The following PDE6B variants were observed in gnomAD, a reference collection of about 807,000 sequenced individuals.
The protein encoded by PDE6B is phosphodiesterase 6B.
In PDE6B, 106 loss-of-function variants were observed where a neutral mutation model predicts 109.0. That is an observed-to-expected ratio of 0.97 (90% confidence interval 0.83 to 1.14). The LOEUF (loss-of-function observed/expected upper bound fraction) is 1.14, where lower values mean the gene tolerates loss of function less well. Among genes scored for constraint, PDE6B ranks in the 50% most tolerant of loss-of-function variants. The pLI, the probability that PDE6B is intolerant of heterozygous loss-of-function variation, is 0.00. For synonymous variants in PDE6B, 490 were observed against 471.3 expected, an observed-to-expected ratio of 1.04 and a Z score of -0.51; for missense variants, 1,193 against 1,155.6, an observed-to-expected ratio of 1.03 and a Z score of -0.47.
rs1734559404 is a variant in PDE6B at position 634,710 on chromosome 4, A to T, written c.502A>T (p.Thr168Ser). The change falls in exon 2 of 22, where the codon ACT (threonine) becomes TCT (serine). Residue 168 changes from threonine to serine, a missense_variant. Physicochemically the swap from Thr to Ser is moderately conservative, Grantham distance 58. Coordinates refer to ENST00000496514, the MANE Select transcript of PDE6B (RefSeq NM_000283.4). ...CTTCAGCTCATTTGCTGACGAGCTC[A>T]CTGACTACAAGACAAAGAATATGCT... Reference protein sequence around the residue: ...PHFSSFADELTDYKTKNMLAT... With the variant: ...PHFSSFADELSDYKTKNMLAT... 1 of 1,613,046 alleles carries T rather than the reference A, an allele frequency of 6.2e-7. No homozygotes were observed. Among genetic ancestry groups the T allele is most frequent in the African/African-American group, 1.3e-5 (1 of 74,888 alleles).
intron 7 of PDE6B, 97 bp from the exon 8 acceptor site, chr4:656,148 C>T (rs1736212153): frequency 9.7e-7 from 1 of 1,036,224 alleles, no homozygotes; most frequent in Admixed American, 1.7e-5. Context: ...CCTGCTTTAC[C>T]TACTTAAAAG....
At chr4:637,758 C>A (rs1734761846) in intron 3 of PDE6B, among the ~76,000 whole-genome samples, 1 of 152,230 alleles carries the variant, frequency 6.6e-6, no homozygotes, top group Admixed American at 6.5e-5. Flanking sequence ...GTGCGCAGAG[C>A]TGCAAATGTT....
In PDE6B at chr4:662,460, C is replaced by A. The variant is rs930005557; in HGVS notation, c.1723-49C>A. ...GTCATCCCAACCCCTCACCACTCCC[C>A]ACCCTGCTGGAGCCAGGACCGGTGA... On this transcript the variant is annotated intron_variant, in intron 13 of 21. Transcript: ENST00000496514. This position sits in a 1 kb window ranked among gnomAD's most constrained non-coding sequence, Gnocchi z 4.3. The A allele has an allele frequency of 1.5e-6, 2 of 1,314,096 alleles. No individual in the cohort carries two copies. The highest frequency in any genetic ancestry group is 1.4e-5 in the African/African-American group (1 of 69,310). The allele number at this position is 1,314,096 out of a possible 1,614,324, so 81.4% of individuals were successfully genotyped here.
chr4:655,544 C>G, intron 6 of PDE6B: 1 of 363,520 alleles, frequency 2.8e-6, no homozygotes, highest in South Asian at 2.4e-5. Context: ...GAGGGGTTCC[C>G]AAGAGGGAGG....
chr4:664,661 C>A (rs562609778), intron 17 of PDE6B, among the ~76,000 whole-genome samples: 1 of 152,222 alleles, frequency 6.6e-6, no homozygotes, highest in South Asian at 2.1e-4. Context: ...ACCGAAAATA[C>A]AAAAATTAGC....
Position 665,160 on chromosome 4 carries a change from C to T in PDE6B, c.2194-95C>T, listed in dbSNP as rs976115782. The T allele has an allele frequency of 6.1e-6, 6 of 984,178 alleles. No homozygotes were observed. In the East Asian group the frequency reaches 9.8e-5, roughly 16 times the overall value. 61.0% of individuals were successfully genotyped at this position (984,178 alleles called of 1,614,324 possible). A position where few individuals can be genotyped will look rare whatever the true frequency, so the allele number is the denominator to read the frequency against. ...TGGTGGGGACCCCGGGGGTCTGGGG[C>T]GGAGAAGACCGAGGCTCGGAGCCTC... On this transcript the variant is annotated intron_variant, in intron 18 of 21. Transcript: ENST00000496514. This position sits in a 1 kb window ranked among gnomAD's most constrained non-coding sequence, Gnocchi z 4.0.
chr4:667,745 C>A, intron 20 of PDE6B, 111 bp from the exon 21 acceptor site: 2 of 1,205,614 alleles, frequency 1.7e-6, no homozygotes, highest in Non-Finnish European at 2.4e-6. Context: ...GCGCTCCCTC[C>A]TCCTGCCAGG....
Position 635,693 on chromosome 4 carries a change from G to C in PDE6B, c.622-187G>C, listed in dbSNP as rs181634311. On this transcript the variant is annotated intron_variant, in intron 2 of 21. Coordinates refer to ENST00000496514, the MANE Select transcript of PDE6B (RefSeq NM_000283.4). The stretch of plus-strand genomic sequence containing the variant: ...CACACCTGTCTGTGTGTAAGAGAGA[G>C]AGATAGCTTGCGTGCCCACCCTGTG... Among the ~76,000 whole-genome samples, 502 of 152,360 alleles carry C rather than the reference G, an allele frequency of 3.3e-3. 3 individuals are homozygous for C. The highest frequency in any genetic ancestry group is 0.011 in the African/African-American group (466 of 41,572).
At chr4:664,266 G>C (rs1737518301) in intron 17 of PDE6B, 45 bp downstream of exon 17, 1 of 1,069,616 alleles carries the variant, frequency 9.3e-7, no homozygotes, top group Non-Finnish European at 1.5e-6. Context: ...CCCTCGCAGG[G>C]ACCGGGCCCA....
At position 662,101 on chromosome 4, in the gene PDE6B, C is replaced by T. The variant is rs773993395; in HGVS notation, c.1615-33C>T. 44 of 1,087,460 alleles carry T rather than the reference C, an allele frequency of 4.0e-5. 2 individuals carry two copies. The highest frequency in any genetic ancestry group is 2.8e-4 in the Admixed American group (14 of 50,502). The allele number at this position is 1,087,460 out of a possible 1,614,324, so 67.4% of individuals were successfully genotyped here. ...GCTCTGGCGGGACTTACACGCTTGCCGCCGGAGCCCTGTGTCCTCTCGGCT... is the reference window on the plus strand; with the variant it reads ...GCTCTGGCGGGACTTACACGCTTGCTGCCGGAGCCCTGTGTCCTCTCGGCT... On this transcript the variant is annotated intron_variant, in intron 12 of 21. Transcript: ENST00000496514. The surrounding 1 kb of genome is among the most constrained non-coding windows in gnomAD (Gnocchi z 4.3).
intron 1 of PDE6B, among the ~76,000 whole-genome samples, chr4:630,391 G>A (rs1250994175): frequency 6.6e-6 from 1 of 152,136 alleles, no homozygotes; most frequent in Non-Finnish European, 1.5e-5. Context: ...GGCTGGTACC[G>A]AGTGCCCATC....
chr4:639,676 A>C (rs1265756645), intron 3 of PDE6B, among the ~76,000 whole-genome samples: 1 of 152,334 alleles, frequency 6.6e-6, no homozygotes, highest in East Asian at 1.9e-4. Flanking sequence ...CTTGTATTCA[A>C]AAGTGATGCT....
At chr4:654,500 G>T (rs1209486429) in intron 5 of PDE6B, 3 of 587,598 alleles carry the variant, frequency 5.1e-6, no homozygotes, top group Non-Finnish European at 9.2e-6. Flanking sequence ...GGCCCAGCTT[G>T]TGTGTGGGAT....
intron 1 of PDE6B, among the ~76,000 whole-genome samples, chr4:632,050 A>T (rs1291068402): frequency 1.4e-5 from 2 of 147,704 alleles, no homozygotes; most frequent in African/African-American, 5.0e-5. Flanking sequence ...ATCTGAGGTC[A>T]TCCTGTGTGG....
intron 7 of PDE6B, 117 bp from the exon 8 acceptor site, chr4:656,128 C>T: frequency 1.0e-6 from 1 of 995,874 alleles, no homozygotes; most frequent in Non-Finnish European, 1.6e-6. Flanking sequence ...TCAGTGAAGC[C>T]CCCAGCTGCC....
intron 8 of PDE6B, among the ~76,000 whole-genome samples, chr4:656,583 C>T (rs1736284225): frequency 1.3e-5 from 2 of 151,436 alleles, no homozygotes; most frequent in Admixed American, 1.3e-4. Flanking sequence ...CCGCGGCCCC[C>T]ACACACCCCT....
In PDE6B at chr4:664,923, G is replaced by C; in HGVS notation, c.2172G>C (p.Lys724Asn). 1 of 1,613,248 alleles carries C rather than the reference G, an allele frequency of 6.2e-7. No homozygotes were observed. Residue 724 changes from lysine (K) to asparagine (N), a missense_variant, in exon 18 of 22, where the codon AAG becomes AAC. By Grantham distance (94) the Lys-to-Asn change is moderately conservative (BLOSUM62 0). Coordinates refer to ENST00000496514, the MANE Select transcript of PDE6B (RefSeq NM_000283.4). Reference sequence around the variant, plus strand: ...CCTGCGACCTGTCTGCCATCACCAAGCCCTGGGAAGTCCAGAGCAAGGTTA... The same window carrying C: ...CCTGCGACCTGTCTGCCATCACCAACCCCTGGGAAGTCCAGAGCAAGGTTA... ...MTACDLSAIT[K>N]PWEVQSKVAL...
chr4:646,978 C>G (rs10011154), intron 3 of PDE6B, among the ~76,000 whole-genome samples: 20,552 of 151,742 alleles, frequency 0.14, 1,618 homozygotes, highest in East Asian at 0.2. Flanking sequence ...CTGCCTCAGC[C>G]TCCTGAGTAG....
chr4:662,081 G>A lies in PDE6B; in HGVS notation c.1615-53G>A. The A allele has an allele frequency of 1.2e-6, 1 of 852,754 alleles. No individual in the cohort carries two copies. The highest frequency in any genetic ancestry group is 2.0e-6 in the Non-Finnish European group (1 of 509,226). The allele number at this position is 852,754 out of a possible 1,614,324, so 52.8% of individuals were successfully genotyped here. A position where few individuals can be genotyped will look rare whatever the true frequency, so the allele number is the denominator to read the frequency against. On this transcript the variant is annotated intron_variant, in intron 12 of 21. Transcript: ENST00000496514. The surrounding 1 kb of genome is among the most constrained non-coding windows in gnomAD (Gnocchi z 4.3). ...TGAAGTCAGCCACAGGTGCCGCTCT[G>A]GCGGGACTTACACGCTTGCCGCCGG...
Sources: gnomAD v4.1 joint callset for allele counts (sites outside exome capture counted in the v4.1 genomes callset) on GRCh38, gnomAD v4.1.1 for gene constraint, Gnocchi (gnomAD v3.1) non-coding constraint, MANE v1.5 for transcripts, NCBI Gene and HGNC (gene_info 2026-07-23, HGNC 2026-07-21) for gene names.